The following SOX30 variants were observed in gnomAD, a reference collection of about 807,000 sequenced individuals.
SOX30 encodes the protein transcription factor SOX-30.
A neutral mutation model predicts 58.6 loss-of-function variants in SOX30; 17 were observed. The observed-to-expected ratio is 0.29, with a 90% CI of 0.20 to 0.44. The LOEUF is 0.44. Among genes scored for constraint, SOX30 ranks in the 20% least tolerant of loss-of-function variants. The pLI is 1.00. For missense variants in SOX30, 951 were observed against 965.8 expected (o/e 0.98, Z 0.20); for synonymous variants, 421 against 400.2 (o/e 1.05, Z -0.62).
Position 157,651,898 on chromosome 5 carries a change from A to G in SOX30, c.181T>C (p.Ser61Pro). 1.3e-6 allele frequency: 2 copies of G among 1,533,570 alleles called. No individual in the cohort carries two copies. The highest frequency in any genetic ancestry group is 1.7e-6 in the Non-Finnish European group (2 of 1,144,684). 95.0% of individuals were successfully genotyped at this position (1,533,570 alleles called of 1,614,324 possible). Residue 61 changes from serine to proline, a missense_variant, in exon 1 of 5, where the codon TCC (serine) becomes CCC (proline). Ser to Pro is a moderately conservative substitution (Grantham distance 74). This residue lies in a region of SOX30 where 363 missense variants were observed against 294.5 expected (regional missense o/e 1.23). Coordinates refer to ENST00000265007, the MANE Select transcript of SOX30 (RefSeq NM_178424.2). Reference protein sequence around the residue: ...LASSCGEAVASGLQPAVRRLL... With the variant: ...LASSCGEAVAPGLQPAVRRLL... ...CGCCGCACCGCGGGCTGTAAGCCGG[A>G]CGCCACTGCCTCCCCGCACGACGAG...
chr5:157,651,971 G>C lies in SOX30; in HGVS notation c.108C>G (p.Pro36=). 1 of 1,458,590 alleles carries C rather than the reference G, an allele frequency of 6.9e-7. No homozygotes were observed. The highest frequency in any genetic ancestry group is 9.0e-7 in the Non-Finnish European group (1 of 1,110,740). The allele number at this position is 1,458,590 out of a possible 1,614,324, so 90.4% of individuals were successfully genotyped here. Residue 36 remains proline (P), a synonymous_variant, in exon 1 of 5, where the codon CCC becomes CCG. Coordinates refer to ENST00000265007, the MANE Select transcript of SOX30 (RefSeq NM_178424.2). ...GTSFWAAAME[P]PPSSPTLSAA... is the part of the protein sequence containing the mutation. ...CGCTCAGTGTGGGAGACGACGGAGG[G>C]GGCTCCATGGCTGCTGCCCAAAAGG... is the stretch of plus-strand genomic sequence containing the variant.
intron 3 of SOX30, among the ~76,000 whole-genome samples, chr5:157,639,806 C>T (rs1441932794): frequency 1.3e-5 from 2 of 152,214 alleles, no homozygotes; most frequent in East Asian, 3.8e-4. Context: ...TTGGACATGT[C>T]TCTGTCATAG....
intron 4 of SOX30, among the ~76,000 whole-genome samples, chr5:157,627,280 T>C (rs560848656): frequency 1.2e-4 from 18 of 152,064 alleles, no homozygotes; most frequent in African/African-American, 4.1e-4. Flanking sequence ...GGAGGATCGC[T>C]TGAACCCAGG....
chr5:157,642,184 C>T (rs1759080442), intron 3 of SOX30, among the ~76,000 whole-genome samples: 1 of 151,882 alleles, frequency 6.6e-6, no homozygotes. Flanking sequence ...GGCGTGGTGG[C>T]GCTTGCCTGT....
chr5:157,651,800 G>C lies in SOX30; in HGVS notation c.279C>G (p.Ala93=). The change falls in exon 1 of 5, where the codon GCC becomes GCG. Residue 93 remains alanine, a synonymous_variant. Transcript: ENST00000265007. ...QPQAQNEEAA[A]SSAQARLLQF... is the part of the protein sequence containing the mutation. ...GCAACAGCCGCGCCTGCGCGGACGA[G>C]GCAGCGGCTTCCTCGTTCTGGGCCT... is the stretch of plus-strand genomic sequence containing the variant. The C allele has an allele frequency of 6.3e-7, 1 of 1,580,326 alleles. No homozygotes were observed. Among genetic ancestry groups the C allele is most frequent in the Non-Finnish European group, 8.6e-7 (1 of 1,166,938 alleles).
chr5:157,648,589 ACCTAC>A, intron 2 of SOX30, 63 bp downstream of exon 2: 1 of 1,474,966 alleles, frequency 6.8e-7, no homozygotes, highest in Non-Finnish European at 9.2e-7. Flanking sequence ...TTCAATCTCA[ACCTAC>A]CCTAATCTTT....
intron 2 of SOX30, among the ~76,000 whole-genome samples, chr5:157,659,144 C>T (rs903467246): frequency 6.6e-6 from 1 of 152,232 alleles, no homozygotes; most frequent in Non-Finnish European, 1.5e-5. Flanking sequence ...AACCAGCACT[C>T]TGTCTATGGA....
In SOX30 at chr5:157,651,106, T is replaced by C; in HGVS notation, c.967+6A>G. On this transcript the variant is annotated splice_donor_region_variant and intron_variant, in intron 1 of 4. Transcript: ENST00000265007. Reference sequence around the variant, plus strand: ...TTGAAAACCCGACTCCCCTGCTGTCTAATACCTGCATCTGAGGGCAACACG... The same window carrying C: ...TTGAAAACCCGACTCCCCTGCTGTCCAATACCTGCATCTGAGGGCAACACG... 6.5e-7 allele frequency: 1 copy of C among 1,527,466 alleles called. No homozygotes were observed. Among genetic ancestry groups the C allele is most frequent in the Non-Finnish European group, 8.8e-7 (1 of 1,137,950 alleles). The allele number at this position is 1,527,466 out of a possible 1,614,324, so 94.6% of individuals were successfully genotyped here.
intron 3 of SOX30, among the ~76,000 whole-genome samples, chr5:157,641,081 A>G (rs1365262851): frequency 1.3e-5 from 2 of 152,226 alleles, no homozygotes; most frequent in African/African-American, 4.8e-5. Context: ...CGCCAGTAAC[A>G]TAAGCACTTT....
chr5:157,667,325 TTAAG>T (rs2113860908), intron 2 of SOX30, among the ~76,000 whole-genome samples: 1 of 152,360 alleles, frequency 6.6e-6, no homozygotes, highest in Non-Finnish European at 1.5e-5. Flanking sequence ...CTTAAAGAGA[TTAAG>T]TATGTTTGAA....
At chr5:157,662,733 T>A (rs144851498) in intron 2 of SOX30, among the ~76,000 whole-genome samples, 133 of 152,324 alleles carry the variant, frequency 8.7e-4, no homozygotes, top group African/African-American at 2.9e-3. Context: ...TCCTCCAGCA[T>A]TAACCAACAC....
intron 2 of SOX30, among the ~76,000 whole-genome samples, chr5:157,659,646 T>C (rs1381105257): frequency 6.6e-6 from 1 of 152,184 alleles, no homozygotes; most frequent in East Asian, 1.9e-4. Context: ...GTTAAGGACA[T>C]CCCCGTGACA....
chr5:157,652,498 C>T, upstream of SOX30: 2 of 562,800 alleles, frequency 3.6e-6, no homozygotes, highest in African/African-American at 2.0e-5. Context: ...TGAAGTCTTG[C>T]GTCACAAGGG....
chr5:157,647,450 C>T (rs1355687785), intron 2 of SOX30, among the ~76,000 whole-genome samples: 4 of 149,994 alleles, frequency 2.7e-5, no homozygotes, highest in East Asian at 1.9e-4. Context: ...AAAGCCTTTC[C>T]TCCACCTTAT....
intron 2 of SOX30, among the ~76,000 whole-genome samples, chr5:157,666,476 TAGACACACAC>T (rs1249812098): frequency 2.8e-5 from 3 of 106,832 alleles, no homozygotes; most frequent in South Asian, 6.6e-4. Context: ...TTTAGTCCAG[TAGACACACAC>T]ACACACACAC....
upstream of SOX30, among the ~76,000 whole-genome samples, chr5:157,657,314 G>A (rs778034946): frequency 3.3e-5 from 5 of 152,124 alleles, no homozygotes; most frequent in Non-Finnish European, 5.9e-5. Context: ...TACCACAGAA[G>A]GAAGCAAATT....
intron 2 of SOX30, among the ~76,000 whole-genome samples, chr5:157,662,075 C>G (rs1376678527): frequency 4.6e-5 from 7 of 152,122 alleles, no homozygotes; most frequent in African/African-American, 9.7e-5. Flanking sequence ...CTTTTTGAGT[C>G]TACTTTGATC....
intron 2 of SOX30, among the ~76,000 whole-genome samples, chr5:157,647,923 G>A (rs1400692641): frequency 6.6e-6 from 1 of 152,036 alleles, no homozygotes; most frequent in African/African-American, 2.4e-5. Flanking sequence ...CAATCTCCAA[G>A]TCCACAAATA....
intron 4 of SOX30, among the ~76,000 whole-genome samples, chr5:157,635,031 GT>G (rs1406788025): frequency 6.6e-6 from 1 of 152,124 alleles, no homozygotes; most frequent in African/African-American, 2.4e-5. Context: ...GGCATTTAGG[GT>G]TTACTGAAAT....
Sources: allele counts gnomAD v4.1 joint callset (sites outside exome capture counted in the v4.1 genomes callset), GRCh38; gene constraint gnomAD v4.1.1; regional missense constraint gnomAD v4.1.1; transcripts MANE v1.5; gene names NCBI Gene and HGNC (gene_info 2026-07-23, HGNC 2026-07-21).